The following POLR1B variants were observed in gnomAD, a reference collection of about 807,000 sequenced individuals.
The protein encoded by POLR1B is DNA-directed RNA polymerase I subunit RPA2.
POLR1B carries 30 observed loss-of-function variants against 105.8 expected under a neutral mutation model. The observed-to-expected ratio is 0.28, with a 90% CI of 0.21 to 0.38. The LOEUF is 0.38. Ranked by LOEUF, POLR1B falls within the 10% of genes least tolerant of loss-of-function variation. The probability of loss-of-function intolerance (pLI) is 1.00; values close to 1 mark genes in which losing one functional copy is unlikely to be tolerated. For synonymous variants in POLR1B, 485 were observed against 505.1 expected (o/e 0.96, Z 0.53); for missense variants, 976 against 1,435.8 (o/e 0.68, Z 5.17).
chr2:112,561,124 G>T (rs1416186302), intron 9 of POLR1B, among the ~76,000 whole-genome samples: 3 of 151,886 alleles, frequency 2.0e-5, no homozygotes, highest in Admixed American at 2.0e-4. Flanking sequence ...AAGTAATCAA[G>T]AAATACTCAA....
In POLR1B at chr2:112,572,547, T is replaced by G; in HGVS notation, c.2075-15T>G. 1 of 1,528,702 alleles carries G rather than the reference T, an allele frequency of 6.5e-7. No individual in the cohort carries two copies. The highest frequency in any genetic ancestry group is 8.8e-7 in the Non-Finnish European group (1 of 1,133,678). 94.7% of individuals were successfully genotyped at this position (1,528,702 alleles called of 1,614,324 possible). On this transcript the variant is annotated splice_polypyrimidine_tract_variant and intron_variant, in intron 12 of 14. Transcript: ENST00000263331. ...AAAGCAGCAGAAAATGCTAAGATGT[T>G]TTTTCTCCATGTAGGTAAGCAAACT...
chr2:112,574,079 A>G (rs182580943), intron 14 of POLR1B, among the ~76,000 whole-genome samples: 30 of 152,216 alleles, frequency 2.0e-4, no homozygotes, highest in African/African-American at 5.8e-4. Flanking sequence ...TCCTGGGCTC[A>G]AGTGATCCAC....
At chr2:112,564,778 C>T (rs938554192) in intron 10 of POLR1B, among the ~76,000 whole-genome samples, 22 of 152,172 alleles carry the variant, frequency 1.4e-4, no homozygotes, top group African/African-American at 3.9e-4. Flanking sequence ...TTTTTTCCCC[C>T]TTCTTAATAC....
At chr2:112,572,853 G>A (rs1684662774) in intron 13 of POLR1B, 95 bp downstream of exon 13, 10 of 1,101,260 alleles carry the variant, frequency 9.1e-6, no homozygotes, top group Non-Finnish European at 1.3e-5. Context: ...GTGTACCCAA[G>A]TACCTAGTAT....
rs1056603284 is a variant in POLR1B, at chr2:112,578,273, T to C, written c.*2544T>C. ...GATGAAAACAGCAACATAAGCAAGATACAGAGCTGTTCCGTCATCACAGAG... is the reference window on the plus strand; with the variant it reads ...GATGAAAACAGCAACATAAGCAAGACACAGAGCTGTTCCGTCATCACAGAG... On this transcript the variant is annotated 3_prime_UTR_variant, in exon 15 of 15. Transcript: ENST00000263331. Among the ~76,000 whole-genome samples the C allele has an allele frequency of 6.6e-6, 1 of 151,720 alleles. No individual in the cohort carries two copies. Among genetic ancestry groups the C allele is most frequent in the Non-Finnish European group, 1.5e-5 (1 of 67,896 alleles).
At position 112,547,581 on chromosome 2, in the gene POLR1B, T is replaced by C; in HGVS notation, c.492+14T>C. 6.2e-7 allele frequency: 1 copy of C among 1,613,074 alleles called. No homozygotes were observed. The highest frequency in any genetic ancestry group is 8.5e-7 in the Non-Finnish European group (1 of 1,179,550). On this transcript the variant is annotated intron_variant, in intron 3 of 14. Transcript: ENST00000263331. ...GAGGAGGCAGAGGTAATGACGGGCGTCCAGGCATGAGACAGTAGAGAAGGC... is the reference window on the plus strand; with the variant it reads ...GAGGAGGCAGAGGTAATGACGGGCGCCCAGGCATGAGACAGTAGAGAAGGC...
chr2:112,553,527 TG>T (rs1683485150), intron 7 of POLR1B: 1 of 152,162 alleles, frequency 6.6e-6, no homozygotes, highest in Non-Finnish European at 1.5e-5. Flanking sequence ...TTGTACAGGC[TG>T]GTCTCAAACT....
chr2:112,549,516 T>C (rs1182795164), intron 4 of POLR1B, 117 bp downstream of exon 4: 1 of 754,676 alleles, frequency 1.3e-6, no homozygotes, highest in Non-Finnish European at 1.9e-6. Context: ...TTTTTTTTTT[T>C]GGTAGGGATG....
intron 14 of POLR1B, 74 bp downstream of exon 14, chr2:112,573,889 C>T (rs964200623): frequency 1.3e-5 from 20 of 1,535,604 alleles, no homozygotes; most frequent in East Asian, 1.1e-4. Context: ...GTGTGTCAGC[C>T]GGGCTGGAGT....
At chr2:112,552,033 G>A (rs762902688) in intron 6 of POLR1B, 35 bp downstream of exon 6, 2 of 1,549,574 alleles carry the variant, frequency 1.3e-6, no homozygotes, top group South Asian at 2.3e-5. Context: ...TTTTGGAGGG[G>A]CGGAGGGCTG....
At chr2:112,551,510 C>A (rs1683364080) in intron 5 of POLR1B, among the ~76,000 whole-genome samples, 1 of 152,172 alleles carries the variant, frequency 6.6e-6, no homozygotes, top group African/African-American at 2.4e-5. Context: ...TCACCACATT[C>A]TCTTGGTCAA....
intron 10 of POLR1B, among the ~76,000 whole-genome samples, chr2:112,565,928 A>G (rs7598338): frequency 0.27 from 40,707 of 151,894 alleles, 5,916 homozygotes; most frequent in African/African-American, 0.37. Flanking sequence ...GATGCTGCCA[A>G]CCACCAGTCT....
At chr2:112,546,112 G>A (rs968134204) in intron 1 of POLR1B, among the ~76,000 whole-genome samples, 1 of 152,102 alleles carries the variant, frequency 6.6e-6, no homozygotes, top group Non-Finnish European at 1.5e-5. Flanking sequence ...CTAGGAGGTT[G>A]CTTGTAATTA....
chr2:112,578,470 T>G lies in POLR1B; in HGVS notation c.*2741T>G, dbSNP rs983678891. 2.0e-5 allele frequency among the ~76,000 whole-genome samples: 3 copies of G among 152,178 alleles called. No homozygotes were observed. Among genetic ancestry groups the G allele is most frequent in the Admixed American group, 6.6e-5 (1 of 15,260 alleles). ...TTTCACTCCATTCCCTTGAGATACA[T>G]CCAGGTAGTTGCATGTATCAATAGT... On this transcript the variant is annotated 3_prime_UTR_variant, in exon 15 of 15. Transcript: ENST00000263331.
intron 1 of POLR1B, chr2:112,545,913 G>A: frequency 4.5e-6 from 1 of 223,890 alleles, no homozygotes; most frequent in Non-Finnish European, 9.2e-6. Flanking sequence ...CCCAAATATT[G>A]GGATTACAGG....
chr2:112,575,694 G>A lies in POLR1B; in HGVS notation c.3373G>A (p.Ala1125Thr). 1 of 1,613,032 alleles carries A rather than the reference G, an allele frequency of 6.2e-7. No homozygotes were observed. Among genetic ancestry groups the A allele is most frequent in the Non-Finnish European group, 8.5e-7 (1 of 1,179,512 alleles). ...TCGGTATTTTGTAGCTGAACTGGCA[G>A]CTATGAACATCAAAGTGAAACTGGA... ...VFRYFVAELA[A>T]MNIKVKLDVV is the part of the protein sequence containing the mutation. The change falls in exon 15 of 15, where the codon GCT becomes ACT. Residue 1125 changes from alanine (A) to threonine (T), a missense_variant. By Grantham distance (58) the Ala-to-Thr change is moderately conservative. Coordinates refer to ENST00000263331, the MANE Select transcript of POLR1B (RefSeq NM_019014.6). The surrounding 1 kb of genome is among the most constrained non-coding windows in gnomAD (Gnocchi z 5.3).
intron 12 of POLR1B, 34 bp downstream of exon 12, chr2:112,568,936 A>G: frequency 1.3e-6 from 2 of 1,591,476 alleles, no homozygotes; most frequent in East Asian, 4.5e-5. Flanking sequence ...AGTCACAATC[A>G]GGAAAGTAAA....
Position 112,579,208 on chromosome 2 carries a change from C to CAAAAAAAAAAAAAAAAAAAA in POLR1B, c.*3492_*3511dup, listed in dbSNP as rs56190123. 5.1e-5 allele frequency among the ~76,000 whole-genome samples: 3 copies of CAAAAAAAAAAAAAAAAAAAA among 58,692 alleles called. No homozygotes were observed. Among genetic ancestry groups the CAAAAAAAAAAAAAAAAAAAA allele is most frequent in the Admixed American group, 3.0e-4 (1 of 3,388 alleles). 38.5% of individuals were successfully genotyped at this position (58,692 alleles called of 152,430 possible). On this transcript the variant is annotated 3_prime_UTR_variant, in exon 15 of 15. Transcript: ENST00000263331. Reference sequence around the variant, plus strand: ...GGGCAACAGAGCAAGACTAGAGTCTCAAAAAAAAAAAAAAAAAAAAAAAAA... The same window carrying CAAAAAAAAAAAAAAAAAAAA: ...GGGCAACAGAGCAAGACTAGAGTCTCAAAAAAAAAAAAAAAAAAAAAAAAAAAAAAAAAAAAAAAAAAAAA...
In POLR1B at chr2:112,579,776, A is replaced by G. The variant is rs62158644; in HGVS notation, c.*4047A>G. 0.088 allele frequency among the ~76,000 whole-genome samples: 13,379 copies of G among 152,264 alleles called. 840 individuals carry two copies. The highest frequency in any genetic ancestry group is 0.31 in the East Asian group (1,585 of 5,184). On this transcript the variant is annotated 3_prime_UTR_variant, in exon 15 of 15. Coordinates refer to ENST00000263331, the MANE Select transcript of POLR1B (RefSeq NM_019014.6). ...TTTGTCTTCTTACTGTTGAATTTCA[A>G]GACTTCATTATATATTCCAGATATA...
Sources: allele counts gnomAD v4.1 joint callset (sites outside exome capture counted in the v4.1 genomes callset), GRCh38; gene constraint gnomAD v4.1.1; non-coding constraint Gnocchi (gnomAD v3.1); transcripts MANE v1.5; gene names NCBI Gene and HGNC (gene_info 2026-07-23, HGNC 2026-07-21).